Variants in CRACD observed in about 807,000 individuals in gnomAD.
CRACD encodes the protein capping protein inhibiting regulator of actin dynamics.
A neutral mutation model predicts 106.8 loss-of-function variants in CRACD; 56 were observed. The ratio of observed to expected loss-of-function variants is 0.52; its 90% CI spans 0.42 to 0.66. The LOEUF (loss-of-function observed/expected upper bound fraction) is 0.66. Among genes scored for constraint, CRACD ranks in the 30% least tolerant of loss-of-function variants. The pLI is 0.00. For missense variants in CRACD, 1,730 were observed against 1,623.2 expected (o/e 1.07, Z -1.13); for synonymous variants, 754 against 670.8 (o/e 1.12, Z -1.92).
chr4:56,300,171 G>T (rs1297656623), intron 4 of CRACD, among the ~76,000 whole-genome samples: 1 of 152,144 alleles, frequency 6.6e-6, no homozygotes, highest in Non-Finnish European at 1.5e-5. Flanking sequence ...AGGTGTTCTT[G>T]TTTCTATGGA....
intron 1 of CRACD, among the ~76,000 whole-genome samples, chr4:56,159,229 G>A (rs190216294): frequency 1.3e-5 from 2 of 152,296 alleles, no homozygotes; most frequent in East Asian, 1.9e-4. Flanking sequence ...CGTTTCTTGG[G>A]AACAGGTCTC....
At chr4:56,199,681 CA>C (rs372264328) in intron 2 of CRACD, among the ~76,000 whole-genome samples, 41 of 101,222 alleles carry the variant, frequency 4.1e-4, no homozygotes, top group Admixed American at 4.4e-4. Context: ...AACTCCGTCT[CA>C]AAAAAAAAAA....
chr4:56,079,284 T>C (rs552475315), intron 1 of CRACD, among the ~76,000 whole-genome samples: 1 of 151,380 alleles, frequency 6.6e-6, no homozygotes, highest in Admixed American at 6.5e-5. Flanking sequence ...TATGTAAAGA[T>C]GTCTCCTTTC....
Position 56,315,130 on chromosome 4 carries a change from C to T in CRACD, c.1628C>T (p.Ser543Phe). Residue 543 changes from serine (S) to phenylalanine (F), a missense_variant, in exon 8 of 11, where the codon TCC becomes TTC. This residue lies in a region of CRACD where 1,620 missense variants were observed against 1,481.6 expected (regional missense o/e 1.09). Transcript: ENST00000682029. The surrounding 1 kb of genome is among the most constrained non-coding windows in gnomAD (Gnocchi z 4.1). ...CGGCCCTACACGTTCCAGGTGTCCT[C>T]CGGAGGGAAGCAGATTCTCTTTCCC... ...MPRPYTFQVSSGGKQILFPKV... is the reference protein window; with the variant it reads ...MPRPYTFQVSFGGKQILFPKV... 1.2e-6 allele frequency: 2 copies of T among 1,609,976 alleles called. No homozygotes were observed. The highest frequency in any genetic ancestry group is 1.1e-5 in the South Asian group (1 of 89,922).
intron 1 of CRACD, among the ~76,000 whole-genome samples, chr4:56,071,664 C>G (rs952699680): frequency 2.0e-5 from 3 of 152,022 alleles, no homozygotes; most frequent in Non-Finnish European, 4.4e-5. Context: ...TGTGTGCCAC[C>G]ACGTCCGGCT....
At chr4:56,078,717 C>A (rs1414802852) in intron 1 of CRACD, among the ~76,000 whole-genome samples, 1 of 152,162 alleles carries the variant, frequency 6.6e-6, no homozygotes, top group East Asian at 1.9e-4. Context: ...CACCGGGCAC[C>A]TTTATTCATA....
chr4:56,245,496 G>A (rs892180955), intron 2 of CRACD, among the ~76,000 whole-genome samples: 7 of 152,326 alleles, frequency 4.6e-5, no homozygotes, highest in Admixed American at 6.5e-5. Context: ...CCTTTGGTAC[G>A]TTCAGTTGTG....
At position 56,307,064 on chromosome 4, in the gene CRACD, A is replaced by G. The variant is rs114617770; in HGVS notation, c.121-471A>G. Among the ~76,000 whole-genome samples the G allele has an allele frequency of 4.9e-3, 744 of 152,206 alleles. 3 individuals carry two copies. The highest frequency in any genetic ancestry group is 0.016 in the African/African-American group (674 of 41,582). On this transcript the variant is annotated intron_variant, in intron 4 of 10. Transcript: ENST00000682029. ...TAAATCTTCAAAGTGAATATGTCCCAAAGGGGCTGGAGAGTTGCACCAACC... is the reference window on the plus strand; with the variant it reads ...TAAATCTTCAAAGTGAATATGTCCCGAAGGGGCTGGAGAGTTGCACCAACC...
chr4:56,276,221 TTA>T (rs1742666277), intron 3 of CRACD, among the ~76,000 whole-genome samples: 1 of 152,166 alleles, frequency 6.6e-6, no homozygotes, highest in Admixed American at 6.5e-5. Context: ...ACAACTAATA[TTA>T]TGTTCCCAAA....
chr4:56,237,721 TACACACACACACACACACAC>T (rs36207795), intron 2 of CRACD, among the ~76,000 whole-genome samples: 1 of 144,310 alleles, frequency 6.9e-6, no homozygotes, highest in South Asian at 2.3e-4. Context: ...AGATATTACA[TACACACACACACACACACAC>T]ACACACACAC....
At chr4:56,134,859 G>A (rs1295392509) in intron 1 of CRACD, among the ~76,000 whole-genome samples, 1 of 152,108 alleles carries the variant, frequency 6.6e-6, no homozygotes, top group Non-Finnish European at 1.5e-5. Flanking sequence ...GAGGGGTCAA[G>A]GAAGGCTGAT....
intron 1 of CRACD, among the ~76,000 whole-genome samples, chr4:56,121,335 G>C (rs749665160): frequency 3.9e-5 from 6 of 152,136 alleles, no homozygotes; most frequent in Non-Finnish European, 8.8e-5. Context: ...AATGTCAAAT[G>C]GTCACATAAA....
intron 1 of CRACD, among the ~76,000 whole-genome samples, chr4:56,104,394 T>TCAAAAAA (rs59525605): frequency 0.09 from 13,665 of 151,262 alleles, 642 homozygotes; most frequent in East Asian, 0.19. Flanking sequence ...AGACCCTGTC[T>TCAAAAAA]CAAAAAACAA....
intron 1 of CRACD, among the ~76,000 whole-genome samples, chr4:56,133,824 TG>T (rs1268683386): frequency 1.3e-5 from 2 of 152,204 alleles, no homozygotes; most frequent in Admixed American, 6.5e-5. Flanking sequence ...ATAAATACCA[TG>T]GAAGGGGTAC....
At chr4:56,107,151 TGG>T (rs201265516) in intron 1 of CRACD, among the ~76,000 whole-genome samples, 11 of 151,584 alleles carry the variant, frequency 7.3e-5, no homozygotes, top group African/African-American at 2.4e-4. Flanking sequence ...CTAAAAACAT[TGG>T]GTTTTTTTTC....
At chr4:56,094,477 G>T (rs1733527870) in intron 1 of CRACD, among the ~76,000 whole-genome samples, 1 of 136,912 alleles carries the variant, frequency 7.3e-6, no homozygotes, top group Admixed American at 8.1e-5. Flanking sequence ...CACCTAGGCT[G>T]GAGTGCAGTG....
chr4:56,210,163 T>C (rs1177086299), intron 2 of CRACD, among the ~76,000 whole-genome samples: 2 of 152,166 alleles, frequency 1.3e-5, no homozygotes. Context: ...AAGATCACAG[T>C]CAAATCAAGC....
At chr4:56,166,685 A>AAAC (rs1012141596) in intron 1 of CRACD, among the ~76,000 whole-genome samples, 1 of 151,754 alleles carries the variant, frequency 6.6e-6, no homozygotes, top group Non-Finnish European at 1.5e-5. Context: ...CAAAAAAAAA[A>AAAC]AAAAAAACCA....
chr4:56,105,218 G>A (rs141013583), intron 1 of CRACD, among the ~76,000 whole-genome samples: 7 of 152,242 alleles, frequency 4.6e-5, no homozygotes, highest in Admixed American at 4.6e-4. Flanking sequence ...ATGTTTGCTG[G>A]CAGGGCAAAG....
Sources: gnomAD v4.1 joint callset for allele counts (sites outside exome capture counted in the v4.1 genomes callset) on GRCh38, gnomAD v4.1.1 for gene constraint, gnomAD v4.1.1 regional missense constraint, Gnocchi (gnomAD v3.1) non-coding constraint, MANE v1.5 for transcripts, NCBI Gene and HGNC (gene_info 2026-07-23, HGNC 2026-07-21) for gene names.